Variants in SMYD3 observed in about 807,000 individuals in gnomAD.
The protein encoded by SMYD3 is histone-lysine N-methyltransferase SMYD3.
A neutral mutation model predicts 57.7 loss-of-function variants in SMYD3; 36 were observed. The observed-to-expected ratio is 0.62, with a 90% CI of 0.48 to 0.82. The LOEUF is 0.82. Among genes scored for constraint, SMYD3 ranks in the 40% least tolerant of loss-of-function variants. SMYD3 has a pLI of 0.00. For synonymous variants in SMYD3, 211 were observed against 195.0 expected, an observed-to-expected ratio of 1.08 and a Z score of -0.68; for missense variants, 515 against 538.8, an observed-to-expected ratio of 0.96 and a Z score of 0.44.
Position 246,149,062 on chromosome 1 carries a change from G to A in SMYD3, c.531+178139C>T, listed in dbSNP as rs541792440. 3.5e-4 allele frequency among the ~76,000 whole-genome samples: 53 copies of A among 152,298 alleles called. 2 individuals are homozygous for A. In the South Asian group the frequency reaches 1.0e-2, roughly 29 times the overall value. ...ACGCCTCATTTGAGAATCATTTCTC[G>A]AAAGAAAATTCTAGAAATGTGACAG... On this transcript the variant is annotated intron_variant, in intron 5 of 11. Transcript: ENST00000490107.
At chr1:246,194,999 CTA>C (rs1470289340) in intron 5 of SMYD3, among the ~76,000 whole-genome samples, 1 of 152,208 alleles carries the variant, frequency 6.6e-6, no homozygotes, top group Non-Finnish European at 1.5e-5. Context: ...AGTTTCTACG[CTA>C]TACTTGGCCT....
chr1:246,317,616 G>A (rs1397184509), intron 5 of SMYD3, among the ~76,000 whole-genome samples: 2 of 152,136 alleles, frequency 1.3e-5, no homozygotes, highest in Non-Finnish European at 2.9e-5. Flanking sequence ...GGCCTTTCAG[G>A]CTACAATGGC....
intron 5 of SMYD3, among the ~76,000 whole-genome samples, chr1:246,282,064 C>G (rs2148573214): frequency 6.6e-6 from 1 of 152,068 alleles, no homozygotes; most frequent in Non-Finnish European, 1.5e-5. Flanking sequence ...AAGACGGGGA[C>G]TATGTGAATC....
chr1:245,868,524 T>C (rs1247544222), intron 8 of SMYD3, among the ~76,000 whole-genome samples: 1 of 152,130 alleles, frequency 6.6e-6, no homozygotes, highest in Non-Finnish European at 1.5e-5. Context: ...GGCAGAACAA[T>C]TTCATATGGG....
At chr1:246,466,005 C>T (rs1310783250) in intron 1 of SMYD3, among the ~76,000 whole-genome samples, 2 of 152,224 alleles carry the variant, frequency 1.3e-5, no homozygotes, top group Non-Finnish European at 2.9e-5. Flanking sequence ...CTCCTGGCCT[C>T]GTGTGATCCA....
chr1:246,168,148 G>A (rs1236458841), intron 5 of SMYD3, among the ~76,000 whole-genome samples: 2 of 152,114 alleles, frequency 1.3e-5, no homozygotes, highest in East Asian at 1.9e-4. Context: ...AGTAAACCTC[G>A]TGGATATGTA....
At chr1:246,506,999 C>CCCCAG in intron 1 of SMYD3, 55 bp downstream of exon 1, 1 of 972,792 alleles carries the variant, frequency 1.0e-6, no homozygotes, top group Non-Finnish European at 1.3e-6. Context: ...GCCCCCCCCT[C>CCCCAG]CCCAGCACCC....
chr1:246,270,428 C>T (rs1319727326), intron 5 of SMYD3, among the ~76,000 whole-genome samples: 2 of 152,228 alleles, frequency 1.3e-5, no homozygotes, highest in African/African-American at 4.8e-5. Context: ...TAACTCTTTT[C>T]ATCTTGCAGA....
intron 5 of SMYD3, among the ~76,000 whole-genome samples, chr1:245,986,258 G>A (rs1414053220): frequency 6.6e-6 from 1 of 152,168 alleles, no homozygotes; most frequent in Non-Finnish European, 1.5e-5. Flanking sequence ...GGAACCTGTT[G>A]GAAGATTTTC....
chr1:245,764,433 C>T (rs116463547), intron 10 of SMYD3, among the ~76,000 whole-genome samples: 5 of 134,468 alleles, frequency 3.7e-5, no homozygotes, highest in Admixed American at 2.4e-4. Flanking sequence ...TGGAGCTCTG[C>T]GTTGATATTT....
intron 5 of SMYD3, among the ~76,000 whole-genome samples, chr1:246,253,600 T>C (rs1056943073): frequency 2.6e-5 from 4 of 152,238 alleles, no homozygotes; most frequent in Non-Finnish European, 4.4e-5. Flanking sequence ...GAGCATGGAA[T>C]GTCTTTCTAC....
At position 246,506,994 on chromosome 1, in the gene SMYD3, C is replaced by G. The variant is rs1381663774; in HGVS notation, c.164+60G>C. The G allele has an allele frequency of 2.5e-5, 22 of 894,042 alleles. 1 individual carries two copies. The highest frequency in any genetic ancestry group is 2.2e-4 in the South Asian group (11 of 50,728). The allele number at this position is 894,042 out of a possible 1,614,324, so 55.4% of individuals were successfully genotyped here. A position where few individuals can be genotyped will look rare whatever the true frequency, so the allele number is the denominator to read the frequency against. On this transcript the variant is annotated intron_variant, in intron 1 of 11. Coordinates refer to ENST00000490107, the MANE Select transcript of SMYD3 (RefSeq NM_001167740.2). ...GCGGCTGCCGGCCGCCCGACGCCCCCCCCTCCCCAGCACCCCACACAGCTC... is the reference window on the plus strand; with the variant it reads ...GCGGCTGCCGGCCGCCCGACGCCCCGCCCTCCCCAGCACCCCACACAGCTC...
Position 246,167,651 on chromosome 1 carries a change from T to TTTAC in SMYD3, c.531+159549_531+159550insGTAA, listed in dbSNP as rs566213579. Among the ~76,000 whole-genome samples, 247 of 151,958 alleles carry TTTAC rather than the reference T, an allele frequency of 1.6e-3. 1 individual carries two copies. Among genetic ancestry groups the TTTAC allele is most frequent in the African/African-American group, 5.5e-3 (229 of 41,472 alleles). ...TCGACCTCCCGAGTAGCTGGGATTA[T>TTTAC]AGGCACACCCCACCAGGCCTGGCTA... On this transcript the variant is annotated intron_variant, in intron 5 of 11. Coordinates refer to ENST00000490107, the MANE Select transcript of SMYD3 (RefSeq NM_001167740.2).
intron 5 of SMYD3, among the ~76,000 whole-genome samples, chr1:246,127,666 C>G (rs908235944): frequency 6.6e-6 from 1 of 151,990 alleles, no homozygotes; most frequent in Non-Finnish European, 1.5e-5. Context: ...GGGGCTGAGG[C>G]GGGTGGATCA....
intron 5 of SMYD3, among the ~76,000 whole-genome samples, chr1:246,200,096 T>A (rs968599427): frequency 2.0e-5 from 3 of 151,914 alleles, no homozygotes; most frequent in Non-Finnish European, 2.9e-5. Flanking sequence ...GCATAGACGC[T>A]GAGGTAGAAT....
chr1:245,861,386 G>A (rs1345800780), intron 9 of SMYD3, among the ~76,000 whole-genome samples: 2 of 152,178 alleles, frequency 1.3e-5, no homozygotes, highest in Non-Finnish European at 2.9e-5. Flanking sequence ...GACCATAAGA[G>A]GATCAGGGGA....
At chr1:246,144,455 T>C (rs941479677) in intron 5 of SMYD3, among the ~76,000 whole-genome samples, 3 of 152,204 alleles carry the variant, frequency 2.0e-5, no homozygotes, top group African/African-American at 4.8e-5. Flanking sequence ...TGATTAATTA[T>C]ACCCTAGAAG....
intron 10 of SMYD3, among the ~76,000 whole-genome samples, chr1:245,770,932 C>T (rs1207697719): frequency 6.6e-6 from 1 of 151,972 alleles, no homozygotes; most frequent in African/African-American, 2.4e-5. Flanking sequence ...ATGAACATAT[C>T]CATCAAAGAT....
chr1:245,791,302 T>C (rs898391347), intron 10 of SMYD3, among the ~76,000 whole-genome samples: 2 of 152,174 alleles, frequency 1.3e-5, no homozygotes, highest in Non-Finnish European at 1.5e-5. Context: ...ATCTGGCAAG[T>C]ATGAGATGCT....
Sources: allele counts gnomAD v4.1 joint callset (sites outside exome capture counted in the v4.1 genomes callset), GRCh38; gene constraint gnomAD v4.1.1; transcripts MANE v1.5; gene names NCBI Gene and HGNC (gene_info 2026-07-23, HGNC 2026-07-21).